NPHS1: variants seen among roughly 807,000 people sequenced by gnomAD.
NPHS1 encodes nephrin.
In NPHS1, 107 loss-of-function variants were observed where a neutral mutation model predicts 139.7. The ratio of observed to expected loss-of-function variants is 0.77; its 90% CI spans 0.66 to 0.90. NPHS1 has a LOEUF of 0.90. NPHS1 is among the 40% of genes least tolerant of loss of function. The pLI is 0.00. For synonymous variants in NPHS1, 707 were observed against 706.6 expected (o/e 1.00, Z -0.01); for missense variants, 1,580 against 1,654.2 (o/e 0.96, Z 0.78).
rs773711425 is a variant in NPHS1, at chr19:35,848,396, C to T, written c.1172G>A (p.Gly391Glu). 10 of 1,614,010 alleles carry T rather than the reference C, an allele frequency of 6.2e-6. No homozygotes were observed. In the African/African-American group the frequency reaches 6.7e-5, roughly 11 times the overall value. ...LLPMEETVMD[G>E]LHGGHISMSN... ...CATGGAGATGTGACCGCCATGCAGTCCCTGGCAGGGAGTGAGCTTCAGACG... is the reference window on the plus strand; with the variant it reads ...CATGGAGATGTGACCGCCATGCAGTTCCTGGCAGGGAGTGAGCTTCAGACG... The change falls in exon 10 of 29, where the codon GGA becomes GAA. Residue 391 changes from glycine (G) to glutamate (E), a missense_variant and splice_region_variant. Transcript: ENST00000378910.
rs771143648 is a variant in NPHS1, at chr19:35,850,446, C to T, written c.527-1G>A. 1.9e-6 allele frequency: 3 copies of T among 1,613,822 alleles called. No homozygotes were observed. The highest frequency in any genetic ancestry group is 2.5e-6 in the Non-Finnish European group (3 of 1,179,872). On this transcript the variant is annotated splice_acceptor_variant, in intron 4 of 28. Transcript: ENST00000378910. LOFTEE classifies it high-confidence loss of function. ...GAGATGTCAGATATTGTCTGTCCAC[C>T]TTGGGGCAGCAAGAGGGCTAGAGGG...
At position 35,845,970 on chromosome 19, in the gene NPHS1, C is replaced by T; in HGVS notation, c.1627+38G>A. 1 of 1,541,068 alleles carries T rather than the reference C, an allele frequency of 6.5e-7. No homozygotes were observed. The highest frequency in any genetic ancestry group is 8.8e-7 in the Non-Finnish European group (1 of 1,139,132). On this transcript the variant is annotated intron_variant, in intron 12 of 28. Transcript: ENST00000378910. This position sits in a 1 kb window ranked among gnomAD's most constrained non-coding sequence, Gnocchi z 5.5. ...CCTGCCCCACCTGGCTCTGTCCCTC[C>T]CGCCCCGCCCCCGGGCCTCAGCAGT...
At chr19:35,851,759 C>G in intron 1 of NPHS1, 21 bp downstream of exon 1, 2 of 1,555,252 alleles carry the variant, frequency 1.3e-6, no homozygotes, top group South Asian at 2.4e-5. Context: ...GCGCTGGGTA[C>G]AAGGCTGGGA....
intron 5 of NPHS1, among the ~76,000 whole-genome samples, 173 bp from the exon 6 acceptor site, chr19:35,849,826 A>C (rs1294660977): frequency 6.6e-6 from 1 of 152,136 alleles, no homozygotes; most frequent in Non-Finnish European, 1.5e-5. Flanking sequence ...AACAGTGAGA[A>C]TTGGAGCCTA....
rs369787477 is a variant in NPHS1 at position 35,831,115 on chromosome 19, C to T, written c.3419G>A (p.Arg1140His). ...CTGGGGGCTGAAGTCCCTCAGGGAG[C>T]GGTAATACGGCTCTGCCTCTGTTGT... The part of the protein sequence containing the change: ...VSTTEAEPYY[R>H]SLRDFSPQLP... Residue 1140 changes from arginine (R) to histidine (H), a missense_variant, in exon 27 of 29, where the codon CGC (arginine) becomes CAC (histidine). Arg to His is a conservative substitution (Grantham distance 29, BLOSUM62 0). Transcript: ENST00000378910. The T allele has an allele frequency of 3.1e-4, 507 of 1,613,916 alleles. 1 individual carries two copies. Among genetic ancestry groups the T allele is most frequent in the Non-Finnish European group, 4.1e-4 (479 of 1,180,036 alleles).
chr19:35,848,595 C>A (rs373311685), intron 9 of NPHS1, 42 bp downstream of exon 9: 1 of 1,610,588 alleles, frequency 6.2e-7, no homozygotes, highest in Non-Finnish European at 8.5e-7. Flanking sequence ...ATGCCCTCAG[C>A]CCCCTCCATG....
intron 28 of NPHS1, among the ~76,000 whole-genome samples, chr19:35,827,881 C>T (rs1193294207): frequency 6.6e-6 from 1 of 152,116 alleles, no homozygotes; most frequent in East Asian, 1.9e-4. Flanking sequence ...TGTGCTACTG[C>T]ACTCCAGCCT....
At chr19:35,831,176 C>T in intron 26 of NPHS1, 30 bp from the exon 27 acceptor site, 2 of 1,612,616 alleles carry the variant, frequency 1.2e-6, no homozygotes, top group Non-Finnish European at 1.7e-6. Context: ...CAAACAAAGC[C>T]CTTTCCATCC....
Position 35,842,246 on chromosome 19 carries a change from A to T in NPHS1, c.2541T>A (p.Thr847=), listed in dbSNP as rs547171635. ...APQVEHPTPL[T]KVAAAGDSTS... ...TGCTGTCTCCAGCTGCAGCCACCTTAGTTAGGGGAGTGGGGTGCTCCACCT... is the reference window on the plus strand; with the variant it reads ...TGCTGTCTCCAGCTGCAGCCACCTTTGTTAGGGGAGTGGGGTGCTCCACCT... Residue 847 remains threonine (T), a synonymous_variant, in exon 19 of 29, where the codon ACT becomes ACA. Transcript: ENST00000378910. 2 of 1,613,210 alleles carry T rather than the reference A, an allele frequency of 1.2e-6. No homozygotes were observed. Among genetic ancestry groups the T allele is most frequent in the East Asian group, 2.2e-5 (1 of 44,882 alleles).
At chr19:35,829,794 C>G (rs921773542) in intron 28 of NPHS1, among the ~76,000 whole-genome samples, 2 of 151,974 alleles carry the variant, frequency 1.3e-5, no homozygotes, top group Non-Finnish European at 2.9e-5. Flanking sequence ...CCACCTCAGC[C>G]TCTCAGAGTG....
chr19:35,831,753 C>A lies in NPHS1; in HGVS notation c.3176G>T (p.Gly1059Val). 3 of 1,570,952 alleles carry A rather than the reference C, an allele frequency of 1.9e-6. No homozygotes were observed. The highest frequency in any genetic ancestry group is 2.6e-6 in the Non-Finnish European group (3 of 1,158,828). Residue 1059 changes from glycine to valine, a missense_variant, in exon 24 of 29, where the codon GGG becomes GTG. Gly to Val is a moderately radical substitution (Grantham distance 109). Coordinates refer to ENST00000378910, the MANE Select transcript of NPHS1 (RefSeq NM_004646.4). ...GAACAGCACAGGCAGCAGGGGCAGC[C>A]CCGAGGGTCCTAGGGGTGGAAGATA... ...LPTEPPSGPS[G>V]LPLLPVLFAL...
chr19:35,838,436 C>G (rs1302528365), intron 22 of NPHS1, among the ~76,000 whole-genome samples: 3 of 151,928 alleles, frequency 2.0e-5, no homozygotes, highest in Non-Finnish European at 2.9e-5. Flanking sequence ...GCCTGTAATC[C>G]CAGCTACTTA....
chr19:35,830,892 C>T lies in NPHS1; in HGVS notation c.3546G>A (p.Thr1182=), dbSNP rs761090110. The T allele has an allele frequency of 2.1e-5, 34 of 1,613,812 alleles. No homozygotes were observed. The highest frequency in any genetic ancestry group is 2.9e-5 in the Non-Finnish European group (34 of 1,179,822). Residue 1182 remains threonine, a synonymous_variant, in exon 28 of 29, where the codon ACG becomes ACA. Transcript: ENST00000378910. Reference sequence around the variant, plus strand: ...GTCCCCAGGCTCCAGACGGGGGGTACGTTCTTTCTACCTCATCATACAAGT... The same window carrying T: ...GTCCCCAGGCTCCAGACGGGGGGTATGTTCTTTCTACCTCATCATACAAGT... The part of the protein sequence containing the change: ...PGHLYDEVER[T]YPPSGAWGPL...
intron 28 of NPHS1, among the ~76,000 whole-genome samples, chr19:35,829,781 C>T (rs1313798940): frequency 6.6e-6 from 1 of 152,036 alleles, no homozygotes; most frequent in Non-Finnish European, 1.5e-5. Context: ...TCAGGTAATC[C>T]ACCCACCTCA....
chr19:35,839,349 C>T lies in NPHS1; in HGVS notation c.2997G>A (p.Thr999=), dbSNP rs761640910. 13 of 1,614,152 alleles carry T rather than the reference C, an allele frequency of 8.1e-6. No individual in the cohort carries two copies. In the East Asian group the frequency reaches 1.6e-4, roughly 19 times the overall value. Residue 999 remains threonine (T), a synonymous_variant, in exon 22 of 29, where the codon ACG becomes ACA. Transcript: ENST00000378910. ...DVVPPQATTF[T]LTGLQPSTRY... ...TTGTAGAAGGCTGTAGACCAGTCAGCGTGAAGGTGGTGGCCTGGGGTGGTA... is the reference window on the plus strand; with the variant it reads ...TTGTAGAAGGCTGTAGACCAGTCAGTGTGAAGGTGGTGGCCTGGGGTGGTA...
Position 35,832,627 on chromosome 19 carries a change from C to T in NPHS1, c.3167-865G>A, listed in dbSNP as rs578184794. ...GGAGTTGGCTGGGCACGGTGGCTCA[C>T]GCCTATAATCCCAGCACTCTGGGAG... On this transcript the variant is annotated intron_variant, in intron 23 of 28. Transcript: ENST00000378910. 4.9e-4 allele frequency among the ~76,000 whole-genome samples: 75 copies of T among 151,740 alleles called. 1 individual carries two copies. In the South Asian group the frequency reaches 9.2e-3, roughly 19 times the overall value.
intron 26 of NPHS1, 26 bp from the exon 27 acceptor site, chr19:35,831,172 A>T: frequency 6.2e-7 from 1 of 1,612,868 alleles, no homozygotes; most frequent in Non-Finnish European, 8.5e-7. Context: ...AAAACAAACA[A>T]AGCCCTTTCC....
Position 35,842,360 on chromosome 19 carries a change from G to C in NPHS1, c.2506+19C>G. On this transcript the variant is annotated intron_variant, in intron 18 of 28. Coordinates refer to ENST00000378910, the MANE Select transcript of NPHS1 (RefSeq NM_004646.4). ...GTTCAGTGGCAGGTCTTGAAGTCAG[G>C]TGTTTGGGTAATACCCACATCTGAC... 6.2e-7 allele frequency: 1 copy of C among 1,613,228 alleles called. No individual in the cohort carries two copies. The highest frequency in any genetic ancestry group is 8.5e-7 in the Non-Finnish European group (1 of 1,179,914).
chr19:35,848,446 T>C, intron 9 of NPHS1, 49 bp from the exon 10 acceptor site: 1 of 1,613,354 alleles, frequency 6.2e-7, no homozygotes, highest in Non-Finnish European at 8.5e-7. Flanking sequence ...CCCCTATCCA[T>C]CGTGCTAGAG....
Sources: allele counts gnomAD v4.1 joint callset (sites outside exome capture counted in the v4.1 genomes callset), GRCh38; gene constraint gnomAD v4.1.1; non-coding constraint Gnocchi (gnomAD v3.1); transcripts MANE v1.5; gene names NCBI Gene and HGNC (gene_info 2026-07-23, HGNC 2026-07-21).